SMS: variants seen among roughly 807,000 people sequenced by gnomAD.
SMS encodes spermidine aminopropyltransferase.
SMS carries 3 observed loss-of-function variants against 33.0 expected under a neutral mutation model. The observed-to-expected ratio is 0.09, with a 90% CI of 0.04 to 0.23. The LOEUF is 0.23. Among genes scored for constraint, SMS ranks in the 10% least tolerant of loss-of-function variants. The pLI, the probability that SMS is intolerant of heterozygous loss-of-function variation, is 1.00. For missense variants in SMS, 117 were observed against 288.6 expected (o/e 0.41, Z 4.31); for synonymous variants, 103 against 112.2 (o/e 0.92, Z 0.52).
intron 1 of SMS, among the ~76,000 whole-genome samples, chrX:21,952,058 G>A (rs1434357862): frequency 8.9e-6 from 1 of 111,867 alleles, no homozygotes; most frequent in Non-Finnish European, 1.9e-5. Context: ...AGCTGTTGGG[G>A]TTTGAATCCT....
intron 7 of SMS, among the ~76,000 whole-genome samples, chrX:21,982,336 CA>C (rs11430711): frequency 0.048 from 2,189 of 46,072 alleles, 25 homozygotes; most frequent in Middle Eastern, 0.062. Flanking sequence ...AGACTTGTCT[CA>C]AAAAAAAAAA....
intron 7 of SMS, among the ~76,000 whole-genome samples, chrX:21,980,311 G>T (rs1378453326): frequency 2.8e-5 from 3 of 106,719 alleles, no homozygotes; most frequent in Non-Finnish European, 3.9e-5. Flanking sequence ...CAGCTACATG[G>T]AAGGCTGAGG....
At chrX:21,960,758 G>T (rs1342340050) in intron 1 of SMS, among the ~76,000 whole-genome samples, 1 of 111,732 alleles carries the variant, frequency 8.9e-6, no homozygotes, top group Non-Finnish European at 1.9e-5. Flanking sequence ...GAGGGGAGGG[G>T]TGTTGACAAC....
intron 9 of SMS, among the ~76,000 whole-genome samples, chrX:21,990,496 G>A (rs1046235647): frequency 8.9e-6 from 1 of 111,795 alleles, no homozygotes; most frequent in Non-Finnish European, 1.9e-5. Context: ...TCTCCCATTT[G>A]TTTCTCTTAA....
intron 7 of SMS, among the ~76,000 whole-genome samples, chrX:21,979,321 G>A (rs1012920800): frequency 4.5e-5 from 5 of 110,181 alleles, no homozygotes; most frequent in Non-Finnish European, 7.6e-5. Flanking sequence ...CCCTGCATGC[G>A]TTAGGTATTT....
intron 7 of SMS, among the ~76,000 whole-genome samples, chrX:21,983,930 G>C (rs1418030888): frequency 9.0e-6 from 1 of 111,571 alleles, no homozygotes; most frequent in Non-Finnish European, 1.9e-5. Flanking sequence ...GATAGTGATA[G>C]GAGAGGCAGT....
intron 7 of SMS, among the ~76,000 whole-genome samples, chrX:21,982,013 A>ATTCT (rs1436274185): frequency 2.7e-5 from 3 of 110,905 alleles, no homozygotes; most frequent in Non-Finnish European, 5.7e-5. Context: ...GGTACTTCTC[A>ATTCT]GAATAAGTCA....
rs750257731 is a variant in SMS, at chrX:21,991,196, A to C, written c.946-1401A>C. 1.4e-4 allele frequency among the ~76,000 whole-genome samples: 15 copies of C among 109,144 alleles called. No homozygotes were observed. The East Asian group carries it at 4.0e-3, about 29-fold the overall frequency. The allele number at this position is 109,144 out of a possible 115,157, so 94.8% of individuals were successfully genotyped here. ...TTAATAGTAACTTTTTTTTTTTCTG[A>C]ATTGGAGTTTCGCTCTTGTTGCCCC... On this transcript the variant is annotated intron_variant, in intron 9 of 10. Transcript: ENST00000404933.
intron 1 of SMS, among the ~76,000 whole-genome samples, chrX:21,955,312 T>G (rs1245482861): frequency 8.9e-6 from 1 of 112,335 alleles, no homozygotes; most frequent in Non-Finnish European, 1.9e-5. Flanking sequence ...AAAGAAATCT[T>G]GTTTCCCCTT....
chrX:21,948,211 A>G (rs945662006), intron 1 of SMS, among the ~76,000 whole-genome samples: 20 of 111,352 alleles, frequency 1.8e-4, no homozygotes, highest in African/African-American at 6.5e-4. Context: ...AGCATATGGT[A>G]AGATTTTAGT....
chrX:21,960,108 T>C, intron 1 of SMS: 1 of 160,187 alleles, frequency 6.2e-6, no homozygotes, highest in Non-Finnish European at 1.0e-5. Context: ...TCTCGGCAGT[T>C]CTTTGGTGGC....
chrX:21,982,229 T>G (rs1438454055), intron 7 of SMS, among the ~76,000 whole-genome samples: 1 of 106,057 alleles, frequency 9.4e-6, no homozygotes, highest in African/African-American at 3.5e-5. Context: ...TCTCAGCTAC[T>G]CGGGAGGCTG....
chrX:21,971,420 T>C (rs1924150433), intron 2 of SMS, among the ~76,000 whole-genome samples: 1 of 111,764 alleles, frequency 8.9e-6, no homozygotes, highest in African/African-American at 3.3e-5. Flanking sequence ...ATGGATTAGG[T>C]TTGCAGGCAG....
rs777026229 is a variant in SMS at position 21,984,414 on chromosome X, A to C, written c.861A>C (p.Glu287Asp). 9.0e-7 allele frequency: 1 copy of C among 1,111,350 alleles called. No homozygotes were observed. The highest frequency in any genetic ancestry group is 2.2e-5 in the Admixed American group (1 of 45,903). 91.6% of individuals were successfully genotyped at this position (1,111,350 alleles called of 1,213,427 possible). A position where few individuals can be genotyped will look rare whatever the true frequency, so the allele number is the denominator to read the frequency against. ...LTAVPISTSP[E>D]EDSTWEFLRL... ...CTGTTCCAATCTCCACGTCTCCAGA[A>C]GAAGGTAGATTTTTTTAACCAAGAT... Residue 287 changes from glutamate (E) to aspartate (D), a missense_variant, in exon 8 of 11, where the codon GAA becomes GAC. Glu to Asp is a conservative substitution (Grantham distance 45). Coordinates refer to ENST00000404933, the MANE Select transcript of SMS (RefSeq NM_004595.5).
intron 1 of SMS, among the ~76,000 whole-genome samples, chrX:21,954,633 G>T (rs1922849751): frequency 8.9e-6 from 1 of 111,756 alleles, no homozygotes; most frequent in Admixed American, 9.5e-5. Context: ...AGTTGAATGT[G>T]GTCTTGGCTA....
intron 9 of SMS, among the ~76,000 whole-genome samples, chrX:21,988,662 CAA>C (rs199561897): frequency 4.5e-5 from 3 of 66,151 alleles, no homozygotes; most frequent in Non-Finnish European, 5.7e-5. Flanking sequence ...GACTCTGTCT[CAA>C]AAAAAAAAAA....
At chrX:21,946,128 T>C (rs190760993) in intron 1 of SMS, among the ~76,000 whole-genome samples, 25 of 112,535 alleles carry the variant, frequency 2.2e-4, no homozygotes, top group Non-Finnish European at 4.1e-4. Context: ...AAATTTCTAT[T>C]AGTGAAAATA....
chrX:21,944,261 A>G (rs889946228), intron 1 of SMS, among the ~76,000 whole-genome samples: 2 of 111,494 alleles, frequency 1.8e-5, no homozygotes, highest in Middle Eastern at 4.2e-3. Flanking sequence ...CTTGAGCCCG[A>G]AAAACATTTT....
chrX:21,961,082 CAG>C (rs1923315920), intron 1 of SMS, among the ~76,000 whole-genome samples: 3 of 67,281 alleles, frequency 4.5e-5, no homozygotes, highest in Non-Finnish European at 7.7e-5. Flanking sequence ...GATTTTGATT[CAG>C]AGTGACTCCC....
Sources: allele counts gnomAD v4.1 joint callset (sites outside exome capture counted in the v4.1 genomes callset), GRCh38; gene constraint gnomAD v4.1.1; transcripts MANE v1.5; gene names NCBI Gene and HGNC (gene_info 2026-07-23, HGNC 2026-07-21).